RPH3AL: variants seen among roughly 807,000 people sequenced by gnomAD.
RPH3AL encodes the protein rabphilin 3A like (without C2 domains), also known as rab effector Noc2.
A neutral mutation model predicts 43.1 loss-of-function variants in RPH3AL; 38 were observed. The observed-to-expected ratio is 0.88, with a 90% CI of 0.68 to 1.15. The LOEUF (loss-of-function observed/expected upper bound fraction) is 1.15. Among genes scored for constraint, RPH3AL ranks in the 50% most tolerant of loss-of-function variants. The probability of loss-of-function intolerance (pLI) is 0.00; values close to 1 mark genes in which losing one functional copy is unlikely to be tolerated. For missense variants in RPH3AL, 462 were observed against 423.2 expected (o/e 1.09, Z -0.81); for synonymous variants, 189 against 176.3 (o/e 1.07, Z -0.57).
At chr17:281,691 C>G in intron 6 of RPH3AL, 77 bp downstream of exon 6, 1 of 827,524 alleles carries the variant, frequency 1.2e-6, no homozygotes. Context: ...CACCGTCACC[C>G]TGACCGTCCA....
intron 5 of RPH3AL, among the ~76,000 whole-genome samples, chr17:294,116 G>T (rs912890653): frequency 1.3e-5 from 2 of 152,166 alleles, no homozygotes. Flanking sequence ...GTCTCCAGGG[G>T]TTCCTGAGTT....
Position 274,144 on chromosome 17 carries a change from T to C in RPH3AL, c.438+7624A>G, listed in dbSNP as rs577196783. Among the ~76,000 whole-genome samples the C allele has an allele frequency of 2.7e-4, 41 of 152,336 alleles. No homozygotes were observed. The highest frequency in any genetic ancestry group is 9.9e-4 in the African/African-American group (41 of 41,564). ...TGAAATGAATTTCTGGTTTGCAACA[T>C]CCTGTGCTTAGAAGCCGCCAGGGCC... On this transcript the variant is annotated intron_variant, in intron 6 of 9. Coordinates refer to ENST00000331302, the MANE Select transcript of RPH3AL (RefSeq NM_006987.4). This position sits in a 1 kb window ranked among gnomAD's most constrained non-coding sequence, Gnocchi z 4.7.
chr17:220,283 G>A (rs1282667785), intron 7 of RPH3AL, among the ~76,000 whole-genome samples: 1 of 149,960 alleles, frequency 6.7e-6, no homozygotes, highest in Non-Finnish European at 1.5e-5. Context: ...CAACAGCTCT[G>A]AGGGCTCCAC....
intron 6 of RPH3AL, among the ~76,000 whole-genome samples, chr17:266,192 A>G (rs1236404191): frequency 4.0e-5 from 6 of 151,088 alleles, no homozygotes; most frequent in African/African-American, 1.5e-4. Context: ...ATGACACTTT[A>G]AGGCCCCAGT....
chr17:244,054 T>C (rs934332643), intron 7 of RPH3AL, among the ~76,000 whole-genome samples: 16 of 151,536 alleles, frequency 1.1e-4, no homozygotes, highest in Non-Finnish European at 2.1e-4. Flanking sequence ...CTCTATTGAT[T>C]ACCCTTCCTC....
At chr17:235,682 A>G (rs71369969) in intron 7 of RPH3AL, among the ~76,000 whole-genome samples, 1,172 of 30,762 alleles carry the variant, frequency 0.038, 36 homozygotes, top group Middle Eastern at 0.071. Context: ...CGGAGGCTCT[A>G]CACTAACAAG....
intron 9 of RPH3AL, among the ~76,000 whole-genome samples, chr17:214,209 A>C (rs890876477): frequency 6.6e-6 from 1 of 152,174 alleles, no homozygotes; most frequent in African/African-American, 2.4e-5. Context: ...ACGGAAAGAG[A>C]ACACCCTCCT....
chr17:242,333 AC>A (rs1567576298), intron 7 of RPH3AL, among the ~76,000 whole-genome samples: 2 of 98,628 alleles, frequency 2.0e-5, no homozygotes, highest in African/African-American at 3.9e-5. Context: ...TCCTCTATTG[AC>A]TACCTTCCTC....
At position 283,941 on chromosome 17, in the gene RPH3AL, G is replaced by A. The variant is rs2042842899; in HGVS notation, c.352-2087C>T. On this transcript the variant is annotated intron_variant, in intron 5 of 9. Coordinates refer to ENST00000331302, the MANE Select transcript of RPH3AL (RefSeq NM_006987.4). This position sits in a 1 kb window ranked among gnomAD's most constrained non-coding sequence, Gnocchi z 4.2. ...CACAACGTGGGCCTCTCCTCTCTGG[G>A]TAAAGGGGAGAGGAAGCACTGATGC... is the stretch of plus-strand genomic sequence containing the variant. 6.6e-6 allele frequency among the ~76,000 whole-genome samples: 1 copy of A among 152,222 alleles called. No individual in the cohort carries two copies. Among genetic ancestry groups the A allele is most frequent in the South Asian group, 2.1e-4 (1 of 4,836 alleles).
intron 5 of RPH3AL, among the ~76,000 whole-genome samples, chr17:299,430 G>A (rs1052927720): frequency 1.3e-5 from 2 of 152,128 alleles, no homozygotes; most frequent in Admixed American, 6.5e-5. Context: ...CTCTGGTGAG[G>A]GCCTGATTCT....
intron 7 of RPH3AL, among the ~76,000 whole-genome samples, chr17:227,386 G>A (rs1018323141): frequency 1.4e-5 from 2 of 147,938 alleles, no homozygotes; most frequent in African/African-American, 4.9e-5. Context: ...AAGGACATGG[G>A]CGGCAGCTGT....
At chr17:242,273 C>A (rs2041561989) in intron 7 of RPH3AL, among the ~76,000 whole-genome samples, 1 of 132,624 alleles carries the variant, frequency 7.5e-6, no homozygotes, top group Non-Finnish European at 1.7e-5. Flanking sequence ...TGATTACCTT[C>A]CTCTATTGAC....
At chr17:345,761 C>A (rs1457628689) in intron 1 of RPH3AL, among the ~76,000 whole-genome samples, 2 of 125,604 alleles carry the variant, frequency 1.6e-5, no homozygotes, top group African/African-American at 5.4e-5. Context: ...TGCGTGCACA[C>A]CCTGCTGGGG....
intron 7 of RPH3AL, among the ~76,000 whole-genome samples, chr17:240,771 C>G (rs921352368): frequency 2.6e-5 from 4 of 152,104 alleles, no homozygotes; most frequent in Non-Finnish European, 5.9e-5. Flanking sequence ...ATTTAAAAAT[C>G]GTCTTCGGCC....
At position 247,118 on chromosome 17, in the gene RPH3AL, T is replaced by C. The variant is rs1555540327; in HGVS notation, c.606A>G (p.Arg202=). ...SETSRIYTWA[R]GRVVSSDSDS... ...GAGGCAGAGGGGACTTACCTCTTCC[T>C]CGGGCCCACGTGTAGATGCGGCTGG... Residue 202 remains arginine, a synonymous_variant, in exon 7 of 10, where the codon CGA becomes CGG. Coordinates refer to ENST00000331302, the MANE Select transcript of RPH3AL (RefSeq NM_006987.4). 1.2e-6 allele frequency: 2 copies of C among 1,613,982 alleles called. No homozygotes were observed.
At chr17:272,985 T>TCAGGAAGAGACCCCAGCAAGGGTG (rs1567604470) in intron 6 of RPH3AL, among the ~76,000 whole-genome samples, 3 of 36,360 alleles carry the variant, frequency 8.3e-5, no homozygotes, top group African/African-American at 2.6e-4. Context: ...CAGCAAGGGC[T>TCAGGAAGAGACCCCAGCAAGGGTG]ACGTCAGGGT....
At chr17:338,204 G>A (rs1165089532) in intron 1 of RPH3AL, among the ~76,000 whole-genome samples, 1 of 152,214 alleles carries the variant, frequency 6.6e-6, no homozygotes, top group African/African-American at 2.4e-5. Flanking sequence ...GCTCACACCT[G>A]TAACCCCAGC....
At chr17:310,743 G>T (rs1392324126) in intron 5 of RPH3AL, among the ~76,000 whole-genome samples, 1 of 152,196 alleles carries the variant, frequency 6.6e-6, no homozygotes, top group Non-Finnish European at 1.5e-5. Flanking sequence ...GATCCGCATG[G>T]CTCCTGACAC....
chr17:314,863 C>T (rs1012209805), intron 5 of RPH3AL, among the ~76,000 whole-genome samples: 1 of 3,556 alleles, frequency 2.8e-4, no homozygotes, highest in South Asian at 7.0e-3. Flanking sequence ...AGTCCCTGTG[C>T]CCCACCTCCA....
Sources: allele counts gnomAD v4.1 joint callset (sites outside exome capture counted in the v4.1 genomes callset), GRCh38; gene constraint gnomAD v4.1.1; non-coding constraint Gnocchi (gnomAD v3.1); transcripts MANE v1.5; gene names NCBI Gene and HGNC (gene_info 2026-07-23, HGNC 2026-07-21).